Variants in PEMT observed in about 807,000 individuals in gnomAD.
The protein encoded by PEMT is phosphatidylethanolamine N-methyltransferase, also known as phospholipid methyltransferase.
In PEMT, 23 loss-of-function variants were observed where a neutral mutation model predicts 27.4. That is an observed-to-expected ratio of 0.84 (90% CI 0.60 to 1.19). PEMT has a LOEUF of 1.19. Among genes scored for constraint, PEMT ranks in the 50% most tolerant of loss-of-function variants. The pLI is 0.00. For synonymous variants in PEMT, 137 were observed against 139.1 expected (o/e 0.98, Z 0.11); for missense variants, 307 against 310.1 (o/e 0.99, Z 0.07).
intron 2 of PEMT, chr17:17,570,875 G>A (rs1219299838): frequency 2.0e-6 from 2 of 985,302 alleles, no homozygotes; most frequent in African/African-American, 3.5e-5. Context: ...GGGCAGGTGA[G>A]AAGAGGGAGT....
rs567882453 is a variant in PEMT at position 17,584,687 on chromosome 17, C to T, written c.96+6844G>A. Among the ~76,000 whole-genome samples, 8 of 152,346 alleles carry T rather than the reference C, an allele frequency of 5.3e-5. No homozygotes were observed. The South Asian group carries it at 1.7e-3, about 32-fold the overall frequency. ...GTGCTACTGTGTCTCTGTGTAAATA[C>T]ACATTGTATTTTGAAGACAATAGTA... On this transcript the variant is annotated intron_variant, in intron 1 of 6. Coordinates refer to ENST00000255389, the MANE Select transcript of PEMT (RefSeq NM_148172.3).
At chr17:17,592,142 T>TG (rs1433823074), upstream of PEMT, 9 of 981,904 alleles carry the variant, frequency 9.2e-6, no homozygotes, top group East Asian at 1.0e-3. Context: ...CGCTTTACTC[T>TG]GGGGGCGGTG....
intron 2 of PEMT, among the ~76,000 whole-genome samples, chr17:17,569,874 G>T (rs1911069962): frequency 6.6e-6 from 1 of 152,172 alleles, no homozygotes; most frequent in South Asian, 2.1e-4. Context: ...GCAAGCAGGG[G>T]GGCTCTGGGA....
chr17:17,516,852 C>T (rs1251764093), intron 3 of PEMT, among the ~76,000 whole-genome samples: 1 of 152,182 alleles, frequency 6.6e-6, no homozygotes, highest in Non-Finnish European at 1.5e-5. Flanking sequence ...CCACCCCTTA[C>T]TCTCCAGCTG....
intron 2 of PEMT, among the ~76,000 whole-genome samples, chr17:17,552,733 T>G (rs796128459): frequency 1.3e-5 from 2 of 152,238 alleles, no homozygotes; most frequent in East Asian, 1.9e-4. Context: ...ATCACTCTGC[T>G]GTCGTTTCGA....
rs1030880592 is a variant in PEMT at position 17,555,015 on chromosome 17, A to G, written c.204+21905T>C. ...GCCTCCACTGGGGATGCGGATGGGCACCAGAGTGACCACACACACATGCAT... is the reference window on the plus strand; with the variant it reads ...GCCTCCACTGGGGATGCGGATGGGCGCCAGAGTGACCACACACACATGCAT... On this transcript the variant is annotated intron_variant, in intron 2 of 6. Coordinates refer to ENST00000255389, the MANE Select transcript of PEMT (RefSeq NM_148172.3). Among the ~76,000 whole-genome samples the G allele has an allele frequency of 2.6e-4, 40 of 152,154 alleles. 1 individual carries two copies. The highest frequency in any genetic ancestry group is 2.9e-5 in the Non-Finnish European group (2 of 68,018).
chr17:17,505,656 G>A lies in PEMT; in HGVS notation c.*135C>T. 5 of 1,008,274 alleles carry A rather than the reference G, an allele frequency of 5.0e-6. No individual in the cohort carries two copies. Among genetic ancestry groups the A allele is most frequent in the Non-Finnish European group, 6.8e-6 (5 of 735,394 alleles). The allele number at this position is 1,008,274 out of a possible 1,614,324, so 62.5% of individuals were successfully genotyped here. A position where few individuals can be genotyped will look rare whatever the true frequency, so the allele number is the denominator to read the frequency against. The stretch of plus-strand genomic sequence containing the variant: ...ACGTCCAGGGTCCCCAAGGCAGCAG[G>A]TTCCAAGGCACTGGGGCAGCCCACG... On this transcript the variant is annotated 3_prime_UTR_variant, in exon 7 of 7. Transcript: ENST00000255389.
At chr17:17,557,805 G>A (rs562213411) in intron 2 of PEMT, among the ~76,000 whole-genome samples, 1 of 152,308 alleles carries the variant, frequency 6.6e-6, no homozygotes, top group East Asian at 1.9e-4. Context: ...TGTTCCCGAG[G>A]GAAAATACTG....
chr17:17,572,584 G>A (rs550543852), intron 2 of PEMT, among the ~76,000 whole-genome samples: 61 of 152,314 alleles, frequency 4.0e-4, no homozygotes, highest in African/African-American at 1.4e-3. Context: ...CCATCAGAGA[G>A]GCCTTCCCTG....
At position 17,591,547 on chromosome 17, in the gene PEMT, T is replaced by C. The variant is rs139871244; in HGVS notation, c.80A>G (p.Asn27Ser). 36 of 1,613,330 alleles carry C rather than the reference T, an allele frequency of 2.2e-5. 1 individual carries two copies. The highest frequency in any genetic ancestry group is 4.5e-5 in the East Asian group (2 of 44,860). The change falls in exon 1 of 7, where the codon AAT (asparagine) becomes AGT (serine). Residue 27 changes from asparagine to serine, a missense_variant. Asn to Ser is a conservative substitution (Grantham distance 46, BLOSUM62 1). Coordinates refer to ENST00000255389, the MANE Select transcript of PEMT (RefSeq NM_148172.3). ...AGPDCCGGLG[N>S]IDFRQADFCV... Reference sequence around the variant, plus strand: ...GGTCAGTACCTGTCTAAAATCAATATTGCCGAGGCCTCCGCAGCAGTCAGG... The same window carrying C: ...GGTCAGTACCTGTCTAAAATCAATACTGCCGAGGCCTCCGCAGCAGTCAGG...
Position 17,523,108 on chromosome 17 carries a change from C to T in PEMT, c.205-713G>A, listed in dbSNP as rs942286837. ...GTTTCCACAGTCCTGAGCTGGTTATCGCCCGGGCCTGGCCCAGCACACTGA... is the reference window on the plus strand; with the variant it reads ...GTTTCCACAGTCCTGAGCTGGTTATTGCCCGGGCCTGGCCCAGCACACTGA... On this transcript the variant is annotated intron_variant, in intron 2 of 6. Coordinates refer to ENST00000255389, the MANE Select transcript of PEMT (RefSeq NM_148172.3). The surrounding 1 kb of genome is among the most constrained non-coding windows in gnomAD (Gnocchi z 4.8). Among the ~76,000 whole-genome samples, 3 of 152,174 alleles carry T rather than the reference C, an allele frequency of 2.0e-5. No individual in the cohort carries two copies. The highest frequency in any genetic ancestry group is 4.8e-5 in the African/African-American group (2 of 41,434).
intron 2 of PEMT, among the ~76,000 whole-genome samples, chr17:17,563,276 A>G (rs1321039518): frequency 1.3e-5 from 2 of 152,150 alleles, no homozygotes; most frequent in Non-Finnish European, 2.9e-5. Flanking sequence ...CCTCAGGTAC[A>G]TGGGGCTTCT....
intron 2 of PEMT, among the ~76,000 whole-genome samples, chr17:17,547,413 C>T (rs926958439): frequency 1.3e-5 from 2 of 152,210 alleles, no homozygotes; most frequent in African/African-American, 4.8e-5. Flanking sequence ...TGTGATGATG[C>T]CAGAGATGCG....
intron 2 of PEMT, among the ~76,000 whole-genome samples, chr17:17,524,904 T>C (rs1484370627): frequency 6.6e-6 from 1 of 152,086 alleles, no homozygotes; most frequent in Non-Finnish European, 1.5e-5. Flanking sequence ...GGTCAAGAGA[T>C]CCAGACCATC....
In PEMT at chr17:17,513,632, G is replaced by C. The variant is rs1314463327; in HGVS notation, c.321-978C>G. ...GGCAGTGGCGTGACCAAAAGGGGGT[G>C]ACTATGACAGCAGTGGGTCTAGAGG... On this transcript the variant is annotated intron_variant, in intron 3 of 6. Coordinates refer to ENST00000255389, the MANE Select transcript of PEMT (RefSeq NM_148172.3). The surrounding 1 kb of genome is among the most constrained non-coding windows in gnomAD (Gnocchi z 4.1). Among the ~76,000 whole-genome samples, 1 of 152,134 alleles carries C rather than the reference G, an allele frequency of 6.6e-6. No individual in the cohort carries two copies. Among genetic ancestry groups the C allele is most frequent in the East Asian group, 1.9e-4 (1 of 5,188 alleles).
In PEMT at chr17:17,548,451, A is replaced by C. The variant is rs185850473; in HGVS notation, c.205-26056T>G. Reference sequence around the variant, plus strand: ...TCTAGGCTGCACTGGAGATCATGTCACCTGGGCCCTTGAGGGACCCAGAAG... The same window carrying C: ...TCTAGGCTGCACTGGAGATCATGTCCCCTGGGCCCTTGAGGGACCCAGAAG... On this transcript the variant is annotated intron_variant, in intron 2 of 6. Transcript: ENST00000255389. Among the ~76,000 whole-genome samples the C allele has an allele frequency of 1.3e-3, 198 of 152,264 alleles. 1 individual carries two copies. The highest frequency in any genetic ancestry group is 1.9e-4 in the Non-Finnish European group (13 of 67,996).
intron 2 of PEMT, among the ~76,000 whole-genome samples, chr17:17,548,870 G>A (rs1268896383): frequency 2.0e-5 from 3 of 152,224 alleles, no homozygotes; most frequent in African/African-American, 7.2e-5. Context: ...AGGACAGGAG[G>A]TAGAGCCTGT....
chr17:17,550,891 A>G (rs941642767), intron 2 of PEMT, among the ~76,000 whole-genome samples: 20 of 152,234 alleles, frequency 1.3e-4, no homozygotes, highest in African/African-American at 4.6e-4. Context: ...CAAACTCCAC[A>G]CAGGCAGTGG....
At chr17:17,529,767 G>A (rs1393407614) in intron 2 of PEMT, among the ~76,000 whole-genome samples, 1 of 152,220 alleles carries the variant, frequency 6.6e-6, no homozygotes, top group Admixed American at 6.5e-5. Flanking sequence ...AGGAGAAAGA[G>A]CAATAGGAAC....
Sources: allele counts gnomAD v4.1 joint callset (sites outside exome capture counted in the v4.1 genomes callset), GRCh38; gene constraint gnomAD v4.1.1; non-coding constraint Gnocchi (gnomAD v3.1); transcripts MANE v1.5; gene names NCBI Gene and HGNC (gene_info 2026-07-23, HGNC 2026-07-21).